The following FOXN2 variants were observed in gnomAD, a reference collection of about 807,000 sequenced individuals.
The protein encoded by FOXN2 is forkhead box protein N2.
In FOXN2, 19 loss-of-function variants were observed where a neutral mutation model predicts 41.2. The observed-to-expected ratio is 0.46, with a 90% CI of 0.32 to 0.68. The LOEUF is 0.68. FOXN2 is among the 30% of genes least tolerant of loss of function. FOXN2 has a pLI of 0.03. For synonymous variants in FOXN2, 195 were observed against 176.8 expected (o/e 1.10, Z -0.82); for missense variants, 587 against 509.4 (o/e 1.15, Z -1.47).
intron 2 of FOXN2, among the ~76,000 whole-genome samples, chr2:48,329,282 C>A (rs1669879618): frequency 6.6e-6 from 1 of 152,126 alleles, no homozygotes; most frequent in Non-Finnish European, 1.5e-5. Flanking sequence ...AGCATCTAAA[C>A]ACATGGTTTA....
At position 48,328,006 on chromosome 2, in the gene FOXN2, A is replaced by G. The variant is rs371838681; in HGVS notation, c.-156-555A>G. On this transcript the variant is annotated intron_variant, in intron 1 of 6. Coordinates refer to ENST00000340553, the MANE Select transcript of FOXN2 (RefSeq NM_002158.4). ...ATCATTGTCTGCATTTATTAGATTT[A>G]TTTCTGATCATGAATATACTTTTAA... Among the ~76,000 whole-genome samples, 15 of 152,232 alleles carry G rather than the reference A, an allele frequency of 9.9e-5. No individual in the cohort carries two copies. The East Asian group carries it at 2.9e-3, about 29-fold the overall frequency.
At chr2:48,329,702 A>G (rs969164941) in intron 2 of FOXN2, among the ~76,000 whole-genome samples, 2 of 152,182 alleles carry the variant, frequency 1.3e-5, no homozygotes, top group African/African-American at 4.8e-5. Context: ...TACATTTGGG[A>G]TTTGATTTTA....
chr2:48,365,410 A>G (rs1672469140), intron 5 of FOXN2, among the ~76,000 whole-genome samples: 1 of 152,214 alleles, frequency 6.6e-6, no homozygotes. Flanking sequence ...TTGCCTCAAT[A>G]AAGTCTGACA....
At chr2:48,358,993 C>A in intron 3 of FOXN2, 54 bp from the exon 4 acceptor site, 1 of 1,326,124 alleles carries the variant, frequency 7.5e-7, no homozygotes, top group Non-Finnish European at 1.1e-6. Context: ...AACATTTAGA[C>A]GCTGACTGTT....
At chr2:48,372,198 G>A (rs922519317) in intron 5 of FOXN2, among the ~76,000 whole-genome samples, 6 of 152,126 alleles carry the variant, frequency 3.9e-5, no homozygotes, top group African/African-American at 1.2e-4. Context: ...GGAAAAAGAG[G>A]TAAAGTATTA....
chr2:48,364,708 TG>T (rs1411878577), intron 5 of FOXN2, among the ~76,000 whole-genome samples: 2 of 152,296 alleles, frequency 1.3e-5, no homozygotes, highest in Non-Finnish European at 2.9e-5. Context: ...CATCTGTTTT[TG>T]GGTGTCCCAT....
chr2:48,344,556 C>CAT (rs1388340098), intron 2 of FOXN2, among the ~76,000 whole-genome samples: 2 of 152,130 alleles, frequency 1.3e-5, no homozygotes, highest in East Asian at 3.9e-4. Flanking sequence ...ATAGTGCCTA[C>CAT]CTTATAGGGT....
intron 3 of FOXN2, among the ~76,000 whole-genome samples, chr2:48,357,052 G>C (rs1034801880): frequency 6.6e-6 from 1 of 152,134 alleles, no homozygotes; most frequent in Admixed American, 6.6e-5. Context: ...TTACAAATAA[G>C]TTTCTTTTTG....
chr2:48,335,652 G>C (rs1392415329), intron 2 of FOXN2, among the ~76,000 whole-genome samples: 1 of 151,578 alleles, frequency 6.6e-6, no homozygotes, highest in Non-Finnish European at 1.5e-5. Flanking sequence ...GATTTAAGAA[G>C]AAATGATCAA....
At chr2:48,331,388 A>G (rs1271660493) in intron 2 of FOXN2, among the ~76,000 whole-genome samples, 1 of 152,256 alleles carries the variant, frequency 6.6e-6, no homozygotes, top group East Asian at 1.9e-4. Flanking sequence ...AAAATGTAGC[A>G]TGAAGAGATT....
chr2:48,336,370 T>C (rs2104283849), intron 2 of FOXN2, among the ~76,000 whole-genome samples: 1 of 147,958 alleles, frequency 6.8e-6, no homozygotes, highest in South Asian at 2.1e-4. Context: ...ATTGTGCCAC[T>C]GCACTCCAGC....
Position 48,375,146 on chromosome 2 carries a change from C to T in FOXN2, c.999C>T (p.Ile333=). The change falls in exon 7 of 7, where the codon ATC becomes ATT. Residue 333 remains isoleucine (I), a synonymous_variant. Coordinates refer to ENST00000340553, the MANE Select transcript of FOXN2 (RefSeq NM_002158.4). ...LSSVDEVYEF[I]PKNSHVGSDG... ...CTGTGGATGAGGTATATGAATTTAT[C>T]CCAAAGAATAGTCACGTGGGAAGTG... is the stretch of plus-strand genomic sequence containing the variant. 1 of 1,614,056 alleles carries T rather than the reference C, an allele frequency of 6.2e-7. No homozygotes were observed. Among genetic ancestry groups the T allele is most frequent in the East Asian group, 2.2e-5 (1 of 44,872 alleles).
rs563428768 is a variant in FOXN2 at position 48,335,614 on chromosome 2, A to C, written c.-15+6912A>C. Among the ~76,000 whole-genome samples, 11 of 152,380 alleles carry C rather than the reference A, an allele frequency of 7.2e-5. No individual in the cohort carries two copies. The South Asian group carries it at 2.3e-3, about 32-fold the overall frequency. On this transcript the variant is annotated intron_variant, in intron 2 of 6. Transcript: ENST00000340553. Reference sequence around the variant, plus strand: ...AGTGACAGACTATTTTTTAAGCAGAAGTAAATGATCAGAAGTAGAAAATCT... The same window carrying C: ...AGTGACAGACTATTTTTTAAGCAGACGTAAATGATCAGAAGTAGAAAATCT...
In FOXN2 at chr2:48,369,309, G is replaced by A. The variant is rs572670915; in HGVS notation, c.704-3983G>A. Among the ~76,000 whole-genome samples the A allele has an allele frequency of 5.9e-4, 90 of 152,266 alleles. 1 individual carries two copies. The highest frequency in any genetic ancestry group is 7.1e-4 in the Non-Finnish European group (48 of 68,010). ...TCCCAGCACTTTGGGAGGCCAAGGC[G>A]GGTGGATCATCTGAGGTCAGGAGTT... On this transcript the variant is annotated intron_variant, in intron 5 of 6. Transcript: ENST00000340553.
intron 5 of FOXN2, among the ~76,000 whole-genome samples, chr2:48,372,677 G>A (rs892717710): frequency 6.6e-6 from 1 of 152,022 alleles, no homozygotes; most frequent in Non-Finnish European, 1.5e-5. Context: ...CATTTTTAAT[G>A]GAGTATCCAT....
At chr2:48,358,443 A>G (rs78052412) in intron 3 of FOXN2, among the ~76,000 whole-genome samples, 2,415 of 152,282 alleles carry the variant, frequency 0.016, 61 homozygotes, top group African/African-American at 0.055. Flanking sequence ...TTTGCCCAAT[A>G]TCACATAGCC....
intron 5 of FOXN2, among the ~76,000 whole-genome samples, chr2:48,365,817 G>C (rs1293653467): frequency 1.3e-5 from 2 of 152,144 alleles, no homozygotes; most frequent in Non-Finnish European, 2.9e-5. Flanking sequence ...AATTTTAAGG[G>C]AAGAAAACAT....
At chr2:48,327,497 G>A (rs1375320188) in intron 1 of FOXN2, among the ~76,000 whole-genome samples, 1 of 151,796 alleles carries the variant, frequency 6.6e-6, no homozygotes, top group Non-Finnish European at 1.5e-5. Flanking sequence ...CCAGGCTGCA[G>A]TGCAATGGCA....
Position 48,338,642 on chromosome 2 carries a change from G to A in FOXN2, c.-14-7559G>A, listed in dbSNP as rs569114781. ...TCTCAATCTCCTGACCTCATGATCC[G>A]CCCGCCTCTGCCTCCCAAAGTGCTG... On this transcript the variant is annotated intron_variant, in intron 2 of 6. Coordinates refer to ENST00000340553, the MANE Select transcript of FOXN2 (RefSeq NM_002158.4). 8.6e-5 allele frequency among the ~76,000 whole-genome samples: 13 copies of A among 151,932 alleles called. No homozygotes were observed. The East Asian group carries it at 1.4e-3, about 16-fold the overall frequency.
Sources: gnomAD v4.1 joint callset for allele counts (sites outside exome capture counted in the v4.1 genomes callset) on GRCh38, gnomAD v4.1.1 for gene constraint, MANE v1.5 for transcripts, NCBI Gene and HGNC (gene_info 2026-07-23, HGNC 2026-07-21) for gene names.